The following FARP2 variants were observed in gnomAD, a reference collection of about 807,000 sequenced individuals.
FARP2 encodes the protein FERM, ARHGEF and pleckstrin domain-containing protein 2.
In FARP2, 111 loss-of-function variants were observed where a neutral mutation model predicts 130.5. The ratio of observed to expected loss-of-function variants is 0.85; its 90% CI spans 0.73 to 1.00. The LOEUF is 1.00. Among genes scored for constraint, FARP2 ranks in the 50% least tolerant of loss-of-function variants. The probability of loss-of-function intolerance (pLI) is 0.00; values close to 1 mark genes in which losing one functional copy is unlikely to be tolerated. For missense variants in FARP2, 1,385 were observed against 1,346.3 expected (o/e 1.03, Z -0.45); for synonymous variants, 504 against 516.9 (o/e 0.98, Z 0.34).
At chr2:241,358,369 G>A (rs2061113045) in intron 1 of FARP2, among the ~76,000 whole-genome samples, 1 of 152,164 alleles carries the variant, frequency 6.6e-6, no homozygotes, top group Non-Finnish European at 1.5e-5. Context: ...CAATAATTAA[G>A]CAAATTTATC....
At chr2:241,476,886 T>G (rs2064482907) in intron 19 of FARP2, among the ~76,000 whole-genome samples, 2 of 152,008 alleles carry the variant, frequency 1.3e-5, no homozygotes. Flanking sequence ...CCCATCACTA[T>G]TTTGAAGGGA....
At chr2:241,479,014 GA>G in intron 19 of FARP2, 8 of 516,252 alleles carry the variant, frequency 1.5e-5, no homozygotes, top group East Asian at 3.7e-5. Context: ...ATTGACAGCT[GA>G]AAAAATGATT....
chr2:241,474,373 G>A (rs1254590811), intron 18 of FARP2, among the ~76,000 whole-genome samples: 1 of 138,112 alleles, frequency 7.2e-6, no homozygotes, highest in Non-Finnish European at 1.5e-5. Flanking sequence ...ACAGTCAGGT[G>A]ACTTCATGCT....
Position 241,431,719 on chromosome 2 carries a change from G to A in FARP2, c.812G>A (p.Arg271His), listed in dbSNP as rs201901351. The change falls in exon 9 of 27, where the codon CGT (arginine) becomes CAT (histidine). Residue 271 changes from arginine (R) to histidine (H), a missense_variant. By Grantham distance (29) the Arg-to-His change is conservative (BLOSUM62 0). Coordinates refer to ENST00000264042, the MANE Select transcript of FARP2 (RefSeq NM_014808.4). ...AACACTTTCAACTGGTCCAAGGTCC[G>A]TAAACTAAGCTTCAAGAGGAAAAGA... ...KINTFNWSKV[R>H]KLSFKRKRFL... 100 of 1,601,238 alleles carry A rather than the reference G, an allele frequency of 6.2e-5. No homozygotes were observed. In the African/African-American group the frequency reaches 8.9e-4, roughly 14 times the overall value.
chr2:241,359,661 C>T (rs2061140687), intron 1 of FARP2, among the ~76,000 whole-genome samples: 1 of 152,208 alleles, frequency 6.6e-6, no homozygotes, highest in Non-Finnish European at 1.5e-5. Context: ...TCTTTCTGCT[C>T]TCTCTGTGAC....
intron 14 of FARP2, among the ~76,000 whole-genome samples, chr2:241,460,596 G>A (rs2063987265): frequency 6.6e-6 from 1 of 152,194 alleles, no homozygotes; most frequent in South Asian, 2.1e-4. Context: ...ACTTTGTAAA[G>A]AGATTTTACT....
intron 18 of FARP2, 142 bp downstream of exon 18, chr2:241,468,519 T>C (rs764831333): frequency 3.0e-6 from 2 of 659,808 alleles, no homozygotes; most frequent in South Asian, 1.8e-5. Flanking sequence ...GTGGTCAGCA[T>C]TGGCCCTGGC....
intron 18 of FARP2, among the ~76,000 whole-genome samples, chr2:241,474,941 C>T (rs1024443985): frequency 1.3e-5 from 2 of 152,160 alleles, no homozygotes; most frequent in African/African-American, 4.8e-5. Flanking sequence ...CTCAGCTATG[C>T]TACGCCACCA....
At chr2:241,463,727 C>G (rs2064090843) in intron 16 of FARP2, 172 bp from the exon 17 acceptor site, 1 of 679,230 alleles carries the variant, frequency 1.5e-6, no homozygotes, top group African/African-American at 1.8e-5. Context: ...AATGGCCAGA[C>G]ACATAATAGC....
In FARP2 at chr2:241,441,517, G is replaced by C; in HGVS notation, c.1372G>C (p.Ala458Pro). 1 of 1,614,092 alleles carries C rather than the reference G, an allele frequency of 6.2e-7. No homozygotes were observed. Among genetic ancestry groups the C allele is most frequent in the South Asian group, 1.1e-5 (1 of 91,086 alleles). Residue 458 changes from alanine to proline, a missense_variant, in exon 13 of 27, where the codon GCC becomes CCC. Physicochemically the swap from Ala to Pro is conservative, Grantham distance 27. Transcript: ENST00000264042. ...GGCTGGAGGCCCCGACACACCATCG[G>C]CCCAGCCCCTCGGGCCCCCCGCACT... ...AVAGGPDTPS[A>P]QPLGPPALQP...
In FARP2 at chr2:241,436,987, A is replaced by G. The variant is rs147275414; in HGVS notation, c.1158+449A>G. ...GATGACAGAACAAGATCCTGTCTCAAAAAAAAGAGAGAAAGCCTGTATGTT... is the reference window on the plus strand; with the variant it reads ...GATGACAGAACAAGATCCTGTCTCAGAAAAAAGAGAGAAAGCCTGTATGTT... On this transcript the variant is annotated intron_variant, in intron 12 of 26. Coordinates refer to ENST00000264042, the MANE Select transcript of FARP2 (RefSeq NM_014808.4). 8.9e-3 allele frequency among the ~76,000 whole-genome samples: 1,358 copies of G among 152,280 alleles called. 81 individuals are homozygous for G. Among genetic ancestry groups the G allele is most frequent in the Admixed American group, 0.078 (1,189 of 15,284 alleles).
intron 1 of FARP2, among the ~76,000 whole-genome samples, chr2:241,371,018 G>A (rs1575461828): frequency 1.3e-5 from 2 of 152,246 alleles, no homozygotes; most frequent in African/African-American, 4.8e-5. Context: ...TTTGTTCATA[G>A]TACTCACATT....
intron 13 of FARP2, among the ~76,000 whole-genome samples, chr2:241,452,258 G>C (rs2063679342): frequency 6.6e-6 from 1 of 152,156 alleles, no homozygotes. Context: ...TCACTGTGGA[G>C]TACATCTGTG....
chr2:241,422,357 C>T (rs531259986), intron 8 of FARP2, among the ~76,000 whole-genome samples: 1 of 151,010 alleles, frequency 6.6e-6, no homozygotes, highest in Admixed American at 6.6e-5. Flanking sequence ...GAGCCAAGAT[C>T]GTGCCACTGC....
At chr2:241,463,297 A>G (rs775447290) in intron 15 of FARP2, 38 bp from the exon 16 acceptor site, 7 of 1,601,604 alleles carry the variant, frequency 4.4e-6, no homozygotes, top group Non-Finnish European at 6.0e-6. Context: ...GTCCCCAACA[A>G]GAGCCACACC....
chr2:241,398,849 G>T (rs757392694), intron 2 of FARP2, among the ~76,000 whole-genome samples: 1 of 152,286 alleles, frequency 6.6e-6, no homozygotes, highest in East Asian at 1.9e-4. Context: ...GATTACAGGC[G>T]TGAGCCACCG....
chr2:241,441,773 C>T, intron 13 of FARP2: 2 of 658,922 alleles, frequency 3.0e-6, no homozygotes, highest in Non-Finnish European at 5.4e-6. Flanking sequence ...CCTGCTTTCA[C>T]ATTGACAAAT....
At position 241,493,386 on chromosome 2, in the gene FARP2, C is replaced by T. The variant is rs765327815; in HGVS notation, c.2989C>T (p.Leu997Phe). Residue 997 changes from leucine (L) to phenylalanine (F), a missense_variant, in exon 26 of 27, where the codon CTC becomes TTC. Physicochemically the swap from Leu to Phe is conservative, Grantham distance 22. Coordinates refer to ENST00000264042, the MANE Select transcript of FARP2 (RefSeq NM_014808.4). ...CATACACAAAGACTATGTTTTCAAG[C>T]TCCAGTTCAAATCCCACGTCTACTT... Reference protein sequence around the residue: ...DGIHKDYVFKLQFKSHVYFFR... With the variant: ...DGIHKDYVFKFQFKSHVYFFR... The T allele has an allele frequency of 1.5e-5, 24 of 1,613,860 alleles. No homozygotes were observed. The African/African-American group carries it at 2.0e-4, about 13-fold the overall frequency.
At chr2:241,478,932 G>T in intron 19 of FARP2, 1 of 400,280 alleles carries the variant, frequency 2.5e-6, no homozygotes. Context: ...ACCCCATACA[G>T]TATGGCCAGT....
Sources: allele counts gnomAD v4.1 joint callset (sites outside exome capture counted in the v4.1 genomes callset), GRCh38; gene constraint gnomAD v4.1.1; transcripts MANE v1.5; gene names NCBI Gene and HGNC (gene_info 2026-07-23, HGNC 2026-07-21).